The following TENT4A variants were observed in gnomAD, a reference collection of about 807,000 sequenced individuals.
TENT4A encodes the protein terminal nucleotidyltransferase 4A.
TENT4A carries 7 observed loss-of-function variants against 72.8 expected under a neutral mutation model. The ratio of observed to expected loss-of-function variants is 0.10; its 90% CI spans 0.05 to 0.18. The LOEUF is 0.18. TENT4A is among the 10% of genes least tolerant of loss of function. TENT4A has a pLI of 1.00. For missense variants in TENT4A, 831 were observed against 1,017.7 expected (o/e 0.82, Z 2.50); for synonymous variants, 456 against 434.3 (o/e 1.05, Z -0.62).
chr5:6,751,431 C>G, intron 11 of TENT4A: 1 of 487,766 alleles, frequency 2.1e-6, no homozygotes, highest in Non-Finnish European at 3.6e-6. Flanking sequence ...TGGCTTTTCA[C>G]GGGGGCCAGG....
At chr5:6,731,273 G>A (rs1297415232) in intron 1 of TENT4A, among the ~76,000 whole-genome samples, 1 of 152,206 alleles carries the variant, frequency 6.6e-6, no homozygotes, top group Non-Finnish European at 1.5e-5. Context: ...CAGTTAATGA[G>A]TTTCCAGTAT....
At chr5:6,715,296 G>A (rs1400500972) in intron 1 of TENT4A, among the ~76,000 whole-genome samples, 1 of 152,170 alleles carries the variant, frequency 6.6e-6, no homozygotes, top group East Asian at 1.9e-4. Flanking sequence ...TGTCATATAT[G>A]TCTATTCTTT....
intron 1 of TENT4A, chr5:6,715,206 C>T (rs554775883): frequency 2.0e-5 from 3 of 152,228 alleles, no homozygotes; most frequent in East Asian, 1.9e-4. Flanking sequence ...GTGTTGTGTC[C>T]TTTAATTTTG....
intron 7 of TENT4A, among the ~76,000 whole-genome samples, chr5:6,746,848 G>C (rs922347198): frequency 2.0e-5 from 3 of 152,100 alleles, no homozygotes; most frequent in Non-Finnish European, 4.4e-5. Context: ...ATCCCACAAC[G>C]CAAACACGTT....
At chr5:6,737,484 A>C (rs1223586760) in intron 1 of TENT4A, 26 bp from the exon 2 acceptor site, 6 of 1,583,136 alleles carry the variant, frequency 3.8e-6, no homozygotes, top group Non-Finnish European at 5.2e-6. Flanking sequence ...TTGTAACTCT[A>C]GTATGTTTTC....
chr5:6,734,536 C>G lies in TENT4A; in HGVS notation c.717-2974C>G, dbSNP rs529618964. 7.2e-5 allele frequency among the ~76,000 whole-genome samples: 11 copies of G among 152,366 alleles called. No individual in the cohort carries two copies. The South Asian group carries it at 1.0e-3, about 14-fold the overall frequency. ...TCGCCAGAGCCTTCTTGTCTGACTCCGTCATCCAAGAGGCATGGATGGCCG... is the reference window on the plus strand; with the variant it reads ...TCGCCAGAGCCTTCTTGTCTGACTCGGTCATCCAAGAGGCATGGATGGCCG... On this transcript the variant is annotated intron_variant, in intron 1 of 12. Transcript: ENST00000230859.
rs1742734173 is a variant in TENT4A, at chr5:6,756,932, A to T, written c.*1987A>T. 6.6e-6 allele frequency: 1 copy of T among 152,646 alleles called. No homozygotes were observed. Among genetic ancestry groups the T allele is most frequent in the African/African-American group, 2.4e-5 (1 of 41,446 alleles). 9.5% of individuals were successfully genotyped at this position (152,646 alleles called of 1,614,324 possible). A position where few individuals can be genotyped will look rare whatever the true frequency, so the allele number is the denominator to read the frequency against. On this transcript the variant is annotated 3_prime_UTR_variant, in exon 13 of 13. Coordinates refer to ENST00000230859, the MANE Select transcript of TENT4A (RefSeq NM_006999.6). Reference sequence around the variant, plus strand: ...GGTCGCGTGCTACAGGTTTGACAAAAAGATATCATGTTTCGATTTTTTTGT... The same window carrying T: ...GGTCGCGTGCTACAGGTTTGACAAATAGATATCATGTTTCGATTTTTTTGT...
intron 2 of TENT4A, among the ~76,000 whole-genome samples, chr5:6,737,929 G>A (rs62349030): frequency 1.7e-4 from 14 of 83,774 alleles, no homozygotes; most frequent in African/African-American, 4.8e-4. Flanking sequence ...TTTTTTTTTG[G>A]AAGGGGGAGA....
At chr5:6,715,926 T>G (rs1389849108) in intron 1 of TENT4A, among the ~76,000 whole-genome samples, 1 of 152,240 alleles carries the variant, frequency 6.6e-6, no homozygotes, top group Non-Finnish European at 1.5e-5. Context: ...TAGAACTTTC[T>G]GAGAGCAGGT....
At chr5:6,718,597 A>G (rs987042749) in intron 1 of TENT4A, among the ~76,000 whole-genome samples, 7 of 152,208 alleles carry the variant, frequency 4.6e-5, no homozygotes, top group African/African-American at 1.7e-4. Flanking sequence ...GCGTGTATGT[A>G]TGATCACACT....
chr5:6,749,207 T>C (rs1742262770), intron 8 of TENT4A, among the ~76,000 whole-genome samples: 1 of 152,100 alleles, frequency 6.6e-6, no homozygotes, highest in Admixed American at 6.5e-5. Context: ...CAGGCGGAGC[T>C]CTGGGCCCCA....
intron 6 of TENT4A, among the ~76,000 whole-genome samples, chr5:6,744,441 G>T (rs902985533): frequency 1.3e-5 from 2 of 152,140 alleles, no homozygotes; most frequent in Non-Finnish European, 2.9e-5. Flanking sequence ...TAATTATTCC[G>T]TTTATATTTT....
Position 6,755,027 on chromosome 5 carries a change from G to T in TENT4A, c.*82G>T. The T allele has an allele frequency of 7.9e-7, 1 of 1,267,336 alleles. No individual in the cohort carries two copies. The highest frequency in any genetic ancestry group is 1.7e-5 in the South Asian group (1 of 59,592). The allele number at this position is 1,267,336 out of a possible 1,614,324, so 78.5% of individuals were successfully genotyped here. ...GCCACCGGCAGGGGAACCGAGACCA[G>T]CACCCCGCACGTCAGCCGGGCTCGC... On this transcript the variant is annotated 3_prime_UTR_variant, in exon 13 of 13. Transcript: ENST00000230859.
intron 1 of TENT4A, among the ~76,000 whole-genome samples, chr5:6,734,774 T>A (rs965964415): frequency 2.0e-5 from 3 of 152,232 alleles, no homozygotes; most frequent in Admixed American, 2.0e-4. Context: ...GCTAGGAGCA[T>A]GGGCAGGCCA....
intron 8 of TENT4A, 115 bp downstream of exon 8, chr5:6,748,705 G>A: frequency 9.0e-7 from 1 of 1,105,164 alleles, no homozygotes; most frequent in South Asian, 1.6e-5. Flanking sequence ...CCGTATTTCA[G>A]TAGAATCTAG....
At chr5:6,726,823 C>T (rs1179366849) in intron 1 of TENT4A, among the ~76,000 whole-genome samples, 2 of 152,224 alleles carry the variant, frequency 1.3e-5, no homozygotes, top group Non-Finnish European at 2.9e-5. Flanking sequence ...CTGCGCCCAA[C>T]TGCTGTCTCA....
At chr5:6,739,874 C>T (rs765377325) in intron 4 of TENT4A, 22 bp downstream of exon 4, 38 of 1,609,430 alleles carry the variant, frequency 2.4e-5, no homozygotes, top group Non-Finnish European at 3.1e-5. Flanking sequence ...GCTTTGGCCC[C>T]TCTGACCGGG....
At chr5:6,715,303 C>T (rs986205855) in intron 1 of TENT4A, among the ~76,000 whole-genome samples, 25 of 152,106 alleles carry the variant, frequency 1.6e-4, no homozygotes, top group East Asian at 1.9e-4. Flanking sequence ...TATGTCTATT[C>T]TTTGGAAGGT....
In TENT4A at chr5:6,714,067, G is replaced by A; in HGVS notation, c.84G>A (p.Gln28=). The change falls in exon 1 of 13, where the codon CAG becomes CAA. Residue 28 remains glutamine (Q), a synonymous_variant. Transcript: ENST00000230859. The part of the protein sequence containing the change: ...ALWMQIWETS[Q]GVGRGGSGFA... The stretch of plus-strand genomic sequence containing the variant: ...GGATGCAGATCTGGGAGACCTCGCA[G>A]GGCGTGGGCCGCGGCGGCTCGGGCT... 4.0e-6 allele frequency: 4 copies of A among 994,322 alleles called. No individual in the cohort carries two copies. The highest frequency in any genetic ancestry group is 4.8e-6 in the Non-Finnish European group (4 of 836,524). 61.6% of individuals were successfully genotyped at this position (994,322 alleles called of 1,614,324 possible).
Sources: gnomAD v4.1 joint callset for allele counts (sites outside exome capture counted in the v4.1 genomes callset) on GRCh38, gnomAD v4.1.1 for gene constraint, MANE v1.5 for transcripts, NCBI Gene and HGNC (gene_info 2026-07-23, HGNC 2026-07-21) for gene names.